The following CENPM variants were observed in gnomAD, a reference collection of about 807,000 sequenced individuals.
The protein encoded by CENPM is interphase centromere complex protein 39.
CENPM carries 14 observed loss-of-function variants against 19.6 expected under a neutral mutation model. The ratio of observed to expected loss-of-function variants is 0.71; its 90% CI spans 0.47 to 1.11. The LOEUF is 1.11. Among genes scored for constraint, CENPM ranks in the 50% most tolerant of loss-of-function variants. The pLI, the probability that CENPM is intolerant of heterozygous loss-of-function variation, is 0.00. For synonymous variants in CENPM, 114 were observed against 101.5 expected (o/e 1.12, Z -0.74); for missense variants, 239 against 228.4 (o/e 1.05, Z -0.30).
rs1423525337 is a variant in CENPM, at chr22:41,938,854, G to C, written c.*202C>G. ...TGCAAGAGTGAGTGTGGGAGTGGGA[G>C]GGGGCTACAGTCTCGCCAGCTGGGC... On this transcript the variant is annotated 3_prime_UTR_variant, in exon 6 of 6. Coordinates refer to ENST00000215980, the MANE Select transcript of CENPM (RefSeq NM_024053.5). 1 of 560,088 alleles carries C rather than the reference G, an allele frequency of 1.8e-6. No individual in the cohort carries two copies. The highest frequency in any genetic ancestry group is 2.9e-5 in the East Asian group (1 of 33,988). 34.7% of individuals were successfully genotyped at this position (560,088 alleles called of 1,614,324 possible). A position where few individuals can be genotyped will look rare whatever the true frequency, so the allele number is the denominator to read the frequency against.
intron 2 of CENPM, 89 bp from the exon 3 acceptor site, chr22:41,946,094 G>C: frequency 9.4e-6 from 11 of 1,168,834 alleles, no homozygotes; most frequent in Non-Finnish European, 1.2e-5. Context: ...GAAAGAGGCC[G>C]TCAAGGGCTC....
chr22:41,936,749 C>T (rs149125093), downstream of CENPM, among the ~76,000 whole-genome samples: 275 of 152,208 alleles, frequency 1.8e-3, 1 homozygote, highest in East Asian at 4.2e-3. Context: ...GCCAACATGG[C>T]GAAACCTGTG....
downstream of CENPM, among the ~76,000 whole-genome samples, chr22:41,937,538 G>A (rs1040644627): frequency 2.0e-5 from 3 of 152,246 alleles, no homozygotes; most frequent in East Asian, 1.9e-4. Flanking sequence ...CAGGCAATCC[G>A]CCCGCCTCGG....
intron 4 of CENPM, chr22:41,944,587 G>T: frequency 1.2e-6 from 1 of 861,730 alleles, no homozygotes; most frequent in Non-Finnish European, 1.4e-6. Context: ...ATAGGAATAT[G>T]AAAACAAAGC....
chr22:41,934,513 G>C (rs1047481338), downstream of CENPM, among the ~76,000 whole-genome samples: 2 of 152,148 alleles, frequency 1.3e-5, no homozygotes, highest in Admixed American at 6.5e-5. Flanking sequence ...AGGCCTAGGG[G>C]GTTCTTGCCC....
intron 4 of CENPM, among the ~76,000 whole-genome samples, chr22:41,943,956 A>G (rs562439138): frequency 2.6e-5 from 4 of 152,150 alleles, no homozygotes; most frequent in Non-Finnish European, 5.9e-5. Context: ...CTTGGCCTGC[A>G]TTTGCTCACC....
intron 2 of CENPM, 168 bp from the exon 3 acceptor site, chr22:41,946,173 G>T: frequency 1.5e-6 from 1 of 689,520 alleles, no homozygotes; most frequent in South Asian, 1.6e-5. Flanking sequence ...AGGCAGGACA[G>T]GTCCGGTCCT....
the CENPM span, among the ~76,000 whole-genome samples, chr22:41,929,930 C>T: frequency 6.8e-6 from 1 of 147,516 alleles, no homozygotes; most frequent in Non-Finnish European, 1.5e-5. Context: ...CTTATTTCCC[C>T]GTGGCTTTTT....
downstream of CENPM, among the ~76,000 whole-genome samples, chr22:41,934,872 A>G (rs928929232): frequency 6.6e-6 from 1 of 152,132 alleles, no homozygotes; most frequent in Non-Finnish European, 1.5e-5. Context: ...CCAAGCCCCA[A>G]TTCCGGCACA....
At position 41,947,135 on chromosome 22, in the gene CENPM, G is replaced by A. The variant is rs2077816421; in HGVS notation, c.-59C>T. The A allele has an allele frequency of 6.4e-7, 1 of 1,564,044 alleles. No individual in the cohort carries two copies. The highest frequency in any genetic ancestry group is 8.8e-7 in the Non-Finnish European group (1 of 1,140,508). On this transcript the variant is annotated 5_prime_UTR_variant, in exon 1 of 6. Transcript: ENST00000215980. ...GCGCGCCGATCTTTCAAACCGCCCT[G>A]AGTCCAGCCCCTAGAGCGCGGCCTG...
chr22:41,928,841 C>A, the CENPM span, among the ~76,000 whole-genome samples: 1 of 144,432 alleles, frequency 6.9e-6, no homozygotes, highest in East Asian at 2.0e-4. This position sits in a 1 kb window ranked among gnomAD's most constrained non-coding sequence, Gnocchi z 4.0. Flanking sequence ...TGGCCCACGT[C>A]CAGGGCAGGT....
intron 1 of CENPM, 174 bp downstream of exon 1, chr22:41,946,846 A>G: frequency 3.1e-6 from 2 of 646,878 alleles, no homozygotes; most frequent in Non-Finnish European, 5.5e-6. Context: ...TGCGTCCCTC[A>G]ACCTCAGAGA....
downstream of CENPM, among the ~76,000 whole-genome samples, chr22:41,937,098 G>T (rs1191133805): frequency 6.6e-6 from 1 of 152,106 alleles, no homozygotes; most frequent in Non-Finnish European, 1.5e-5. Flanking sequence ...TCAGGACCTG[G>T]CTCTCTATGG....
chr22:41,940,175 G>A, intron 5 of CENPM: 2 of 769,348 alleles, frequency 2.6e-6, no homozygotes, highest in South Asian at 2.8e-5. Flanking sequence ...CTCGGCCCAT[G>A]CACTTGCTGT....
chr22:41,946,212 T>C, intron 2 of CENPM: 1 of 649,074 alleles, frequency 1.5e-6, no homozygotes, highest in Non-Finnish European at 2.7e-6. Flanking sequence ...TGATTCCCTC[T>C]GCCAGAAACG....
intron 3 of CENPM, chr22:41,945,523 T>A (rs2146616910): frequency 2.2e-6 from 2 of 890,408 alleles, no homozygotes; most frequent in South Asian, 3.8e-5. Context: ...CGATCTTGGC[T>A]CACTGCAACC....
At chr22:41,942,535 G>C (rs1171880062) in intron 5 of CENPM, among the ~76,000 whole-genome samples, 1 of 152,062 alleles carries the variant, frequency 6.6e-6, no homozygotes, top group Non-Finnish European at 1.5e-5. Context: ...CGGATCACGA[G>C]GTCAGGAGAT....
Position 41,943,752 on chromosome 22 carries a change from G to C in CENPM, c.311-51C>G, listed in dbSNP as rs1284109028. 7 of 1,529,090 alleles carry C rather than the reference G, an allele frequency of 4.6e-6. No homozygotes were observed. In the Admixed American group the frequency reaches 1.2e-4, roughly 27 times the overall value. The allele number at this position is 1,529,090 out of a possible 1,614,324, so 94.7% of individuals were successfully genotyped here. ...GCTGCAATCTCTACCTTCCTGGCTG[G>C]AATTCAGGAAGTGCTGGGCAGAGTC... On this transcript the variant is annotated intron_variant, in intron 4 of 5. Transcript: ENST00000215980.
At chr22:41,943,566 C>T in intron 5 of CENPM, 44 bp downstream of exon 5, 1 of 1,557,242 alleles carries the variant, frequency 6.4e-7, no homozygotes, top group East Asian at 2.3e-5. Context: ...CACCCTTTCC[C>T]CGCACCCGAG....
Sources: allele counts gnomAD v4.1 joint callset (sites outside exome capture counted in the v4.1 genomes callset), GRCh38; gene constraint gnomAD v4.1.1; non-coding constraint Gnocchi (gnomAD v3.1); transcripts MANE v1.5; gene names NCBI Gene and HGNC (gene_info 2026-07-23, HGNC 2026-07-21).